The following CYP19A1 variants were observed in gnomAD, a reference collection of about 807,000 sequenced individuals.
CYP19A1 encodes the protein aromatase.
A neutral mutation model predicts 44.4 loss-of-function variants in CYP19A1; 32 were observed. The ratio of observed to expected loss-of-function variants is 0.72; its 90% CI spans 0.54 to 0.97. The LOEUF (loss-of-function observed/expected upper bound fraction) is 0.97, where lower values mean the gene tolerates loss of function less well. CYP19A1 is among the 50% of genes least tolerant of loss of function. The pLI is 0.00. For missense variants in CYP19A1, 598 were observed against 637.8 expected, an observed-to-expected ratio of 0.94 and a Z score of 0.67; for synonymous variants, 212 against 215.6, an observed-to-expected ratio of 0.98 and a Z score of 0.14.
chr15:51,331,578 C>A (rs1466834987), intron 1 of CYP19A1, among the ~76,000 whole-genome samples: 2 of 151,170 alleles, frequency 1.3e-5, no homozygotes, highest in Admixed American at 6.6e-5. Context: ...TTGTATGACC[C>A]AGAATGGTTA....
chr15:51,264,027 A>C (rs148750690), intron 1 of CYP19A1, among the ~76,000 whole-genome samples: 2 of 152,334 alleles, frequency 1.3e-5, no homozygotes, highest in African/African-American at 4.8e-5. Context: ...AGGACACTGT[A>C]GGAAGAACCA....
intron 1 of CYP19A1, among the ~76,000 whole-genome samples, chr15:51,326,493 G>A (rs922729139): frequency 1.2e-4 from 19 of 152,192 alleles, no homozygotes; most frequent in Non-Finnish European, 2.6e-4. Context: ...TCAACTTTAA[G>A]CATTATAGTA....
intron 3 of CYP19A1, among the ~76,000 whole-genome samples, chr15:51,233,741 A>C (rs1049689065): frequency 6.6e-6 from 1 of 152,174 alleles, no homozygotes; most frequent in Non-Finnish European, 1.5e-5. Context: ...TCCCTTTATG[A>C]GTGATACATA....
intron 3 of CYP19A1, among the ~76,000 whole-genome samples, chr15:51,233,225 T>C (rs1340805500): frequency 7.9e-6 from 1 of 126,600 alleles, no homozygotes; most frequent in African/African-American, 2.5e-5. Context: ...GTAACACCTA[T>C]CTGCCTGATA....
intron 1 of CYP19A1, among the ~76,000 whole-genome samples, chr15:51,268,526 C>CA (rs896899356): frequency 2.8e-5 from 4 of 140,456 alleles, no homozygotes; most frequent in African/African-American, 7.5e-5. Flanking sequence ...CCTTCCCCCC[C>CA]CCCCTTTTTT....
At chr15:51,248,521 T>G (rs1015298791) in intron 1 of CYP19A1, among the ~76,000 whole-genome samples, 1 of 152,250 alleles carries the variant, frequency 6.6e-6, no homozygotes, top group Non-Finnish European at 1.5e-5. Context: ...TTTATTATTC[T>G]GAGTGGATGT....
intron 5 of CYP19A1, among the ~76,000 whole-genome samples, chr15:51,218,963 A>G (rs780889775): frequency 3.9e-5 from 6 of 152,224 alleles, no homozygotes; most frequent in Non-Finnish European, 8.8e-5. Flanking sequence ...TGAGCTTTCA[A>G]CTAGCTCCTG....
In CYP19A1 at chr15:51,208,495, G is replaced by A. The variant is rs1348608852; in HGVS notation, c.*2313C>T. The A allele has an allele frequency of 6.6e-6, 1 of 152,090 alleles. No individual in the cohort carries two copies. The highest frequency in any genetic ancestry group is 2.4e-5 in the African/African-American group (1 of 41,424). The allele number at this position is 152,090 out of a possible 1,614,324, so 9.4% of individuals were successfully genotyped here. On this transcript the variant is annotated 3_prime_UTR_variant, in exon 10 of 10. Coordinates refer to ENST00000396402, the MANE Select transcript of CYP19A1 (RefSeq NM_000103.4). ...CACAGCACATTGCACATTCAAGAGT[G>A]ACGGTTAAGCACTTAACAATGGGGC...
At chr15:51,256,464 C>A (rs1296506323) in intron 1 of CYP19A1, among the ~76,000 whole-genome samples, 4 of 152,198 alleles carry the variant, frequency 2.6e-5, no homozygotes, top group Non-Finnish European at 5.9e-5. Flanking sequence ...ACCCTGACAC[C>A]TACCCCATGA....
intron 1 of CYP19A1, chr15:51,322,110 C>T (rs1373954473): frequency 1.3e-5 from 2 of 152,286 alleles, no homozygotes; most frequent in African/African-American, 4.8e-5. Context: ...ATGGGTCGGA[C>T]CTGGCTCCAC....
intron 1 of CYP19A1, among the ~76,000 whole-genome samples, chr15:51,329,949 T>C (rs1483617582): frequency 6.6e-6 from 1 of 152,176 alleles, no homozygotes; most frequent in African/African-American, 2.4e-5. Flanking sequence ...TCGGAGCAGC[T>C]AGCCCTCCCT....
At chr15:51,276,862 TG>T (rs1222045412) in intron 1 of CYP19A1, among the ~76,000 whole-genome samples, 1 of 152,180 alleles carries the variant, frequency 6.6e-6, no homozygotes, top group African/African-American at 2.4e-5. Flanking sequence ...GAGGAGCAAC[TG>T]TAAGTCCCAA....
At chr15:51,223,668 G>T (rs2032332722) in intron 4 of CYP19A1, among the ~76,000 whole-genome samples, 1 of 145,632 alleles carries the variant, frequency 6.9e-6, no homozygotes, top group East Asian at 2.1e-4. Context: ...CATGCCTAAA[G>T]GTATACTTTG....
At chr15:51,294,670 G>A (rs1161373560) in intron 1 of CYP19A1, among the ~76,000 whole-genome samples, 8 of 120,052 alleles carry the variant, frequency 6.7e-5, no homozygotes, top group Non-Finnish European at 9.8e-5. Flanking sequence ...GCCCCGTCCG[G>A]GAGGGAGGTG....
intron 1 of CYP19A1, among the ~76,000 whole-genome samples, chr15:51,294,125 C>G (rs1444986103): frequency 7.5e-6 from 1 of 133,468 alleles, no homozygotes; most frequent in Non-Finnish European, 1.5e-5. Context: ...CGTCTCTGCC[C>G]GGCTGCCCAT....
intron 1 of CYP19A1, among the ~76,000 whole-genome samples, chr15:51,253,981 A>T (rs1389254969): frequency 6.6e-6 from 1 of 152,208 alleles, no homozygotes; most frequent in Non-Finnish European, 1.5e-5. Context: ...GTTGGGGGAT[A>T]ACAAAAATGA....
At chr15:51,271,987 A>G (rs1479668968) in intron 1 of CYP19A1, among the ~76,000 whole-genome samples, 1 of 152,152 alleles carries the variant, frequency 6.6e-6, no homozygotes. Flanking sequence ...ATTTTCTACT[A>G]TTGTCCTATA....
At position 51,215,747 on chromosome 15, in the gene CYP19A1, G is replaced by T; in HGVS notation, c.814C>A (p.Leu272Met). Residue 272 changes from leucine (L) to methionine (M), a missense_variant, in exon 7 of 10, where the codon CTG becomes ATG. Physicochemically the swap from Leu to Met is conservative, Grantham distance 15 (BLOSUM62 2). Coordinates refer to ENST00000396402, the MANE Select transcript of CYP19A1 (RefSeq NM_000103.4). Reference sequence around the variant, plus strand: ...GTGGCAAAGTCCATACATTCTTCCAGTTTCTCTTCTGTGGAAATCCTGCGT... The same window carrying T: ...GTGGCAAAGTCCATACATTCTTCCATTTTCTCTTCTGTGGAAATCCTGCGT... ...KRRRISTEEK[L>M]EECMDFATEL... 1.2e-6 allele frequency: 2 copies of T among 1,613,964 alleles called. No homozygotes were observed. Among genetic ancestry groups the T allele is most frequent in the Non-Finnish European group, 1.7e-6 (2 of 1,179,964 alleles).
At chr15:51,337,458 A>G (rs2036795141) in intron 1 of CYP19A1, among the ~76,000 whole-genome samples, 1 of 152,224 alleles carries the variant, frequency 6.6e-6, no homozygotes, top group African/African-American at 2.4e-5. Context: ...AATAGATACA[A>G]TTACAGTCTC....
Sources: gnomAD v4.1 joint callset for allele counts (sites outside exome capture counted in the v4.1 genomes callset) on GRCh38, gnomAD v4.1.1 for gene constraint, MANE v1.5 for transcripts, NCBI Gene and HGNC (gene_info 2026-07-23, HGNC 2026-07-21) for gene names.